SYT14: variants seen among roughly 807,000 people sequenced by gnomAD.
SYT14 encodes synaptotagmin 14.
Under a neutral mutation model 74.2 loss-of-function variants are expected in SYT14, and 32 were observed. The ratio of observed to expected loss-of-function variants is 0.43; its 90% CI spans 0.33 to 0.58. The LOEUF (loss-of-function observed/expected upper bound fraction) is 0.58, where lower values mean the gene tolerates loss of function less well. SYT14 is among the 20% of genes least tolerant of loss of function. SYT14 has a pLI of 0.05. For synonymous variants in SYT14, 298 were observed against 337.7 expected (o/e 0.88, Z 1.29); for missense variants, 791 against 981.8 (o/e 0.81, Z 2.60).
intron 7 of SYT14, among the ~76,000 whole-genome samples, chr1:210,111,078 C>T (rs764805122): frequency 5.6e-4 from 85 of 152,218 alleles, no homozygotes; most frequent in Non-Finnish European, 1.1e-3. Flanking sequence ...ACCCAAAATC[C>T]GGTACTAATT....
intron 5 of SYT14, among the ~76,000 whole-genome samples, chr1:210,064,631 T>C (rs1036928985): frequency 3.4e-4 from 52 of 152,214 alleles, no homozygotes; most frequent in African/African-American, 1.2e-3. Flanking sequence ...TTCTGCTGTA[T>C]GTATATACCA....
chr1:210,131,206 A>G (rs2046851), intron 7 of SYT14, among the ~76,000 whole-genome samples: 41,925 of 152,052 alleles, frequency 0.28, 6,853 homozygotes, highest in Non-Finnish European at 0.37. Context: ...TGTTTCTACT[A>G]CCATCACCGC....
chr1:210,066,954 T>C (rs2081307777), intron 5 of SYT14, among the ~76,000 whole-genome samples: 1 of 152,092 alleles, frequency 6.6e-6, no homozygotes, highest in Admixed American at 6.6e-5. Context: ...TAAGCTCTTA[T>C]ATTTAGGTAT....
intron 7 of SYT14, among the ~76,000 whole-genome samples, chr1:210,154,000 A>G (rs2083219814): frequency 6.6e-6 from 1 of 152,162 alleles, no homozygotes; most frequent in Non-Finnish European, 1.5e-5. Flanking sequence ...CTAAATTCTT[A>G]AAGGAAGTTG....
intron 2 of SYT14, among the ~76,000 whole-genome samples, chr1:209,962,913 A>C (rs1047481379): frequency 3.9e-5 from 6 of 152,126 alleles, no homozygotes; most frequent in Non-Finnish European, 8.8e-5. Context: ...TTCTTCCTCT[A>C]ATGGCTGTAT....
Position 210,155,742 on chromosome 1 carries a change from G to A in SYT14, c.2056G>A (p.Val686Met), listed in dbSNP as rs192258059. 44 of 1,613,898 alleles carry A rather than the reference G, an allele frequency of 2.7e-5. No homozygotes were observed. Among genetic ancestry groups the A allele is most frequent in the Middle Eastern group, 1.6e-4 (1 of 6,080 alleles). ...ACAGGGCTGTGACTCCCAAATGAGCGTGTCAGAAATGTCGTGTAGTGAAAG... is the reference window on the plus strand; with the variant it reads ...ACAGGGCTGTGACTCCCAAATGAGCATGTCAGAAATGTCGTGTAGTGAAAG... Residue 686 changes from valine (V) to methionine (M), a missense_variant, in exon 8 of 10, where the codon GTG becomes ATG. Coordinates refer to ENST00000637265, the Ensembl canonical transcript of SYT14.
intron 7 of SYT14, among the ~76,000 whole-genome samples, chr1:210,106,656 A>T (rs1382074901): frequency 6.6e-6 from 1 of 152,142 alleles, no homozygotes; most frequent in African/African-American, 2.4e-5. Context: ...GAACAGCATA[A>T]GGGTAACTGC....
At chr1:209,945,640 G>T (rs1366719995) in intron 1 of SYT14, among the ~76,000 whole-genome samples, 1 of 152,226 alleles carries the variant, frequency 6.6e-6, no homozygotes, top group Admixed American at 6.5e-5. Context: ...CATTTCTAAA[G>T]TAGCCTTTCA....
At chr1:210,081,910 G>T (rs1438050918) in intron 5 of SYT14, among the ~76,000 whole-genome samples, 1 of 152,144 alleles carries the variant, frequency 6.6e-6, no homozygotes, top group Non-Finnish European at 1.5e-5. Flanking sequence ...GATTAAAGAT[G>T]AATATGATTA....
intron 5 of SYT14, among the ~76,000 whole-genome samples, chr1:210,089,030 G>A (rs1047972834): frequency 2.0e-5 from 3 of 151,928 alleles, no homozygotes; most frequent in Non-Finnish European, 4.4e-5. Context: ...CCCTCCCCTA[G>A]CCCTCCATCC....
chr1:210,150,480 G>A (rs998033126), intron 7 of SYT14, among the ~76,000 whole-genome samples: 1 of 152,166 alleles, frequency 6.6e-6, no homozygotes. Context: ...ATTGCCTCTG[G>A]TGATCTCCTC....
intron 2 of SYT14, among the ~76,000 whole-genome samples, chr1:209,969,395 T>C (rs189105292): frequency 5.6e-4 from 85 of 152,194 alleles, no homozygotes; most frequent in African/African-American, 1.7e-3. Context: ...TTCTGCAGCC[T>C]CACCAGCATC....
chr1:210,075,950 T>C (rs977140418), intron 5 of SYT14, among the ~76,000 whole-genome samples: 1 of 152,224 alleles, frequency 6.6e-6, no homozygotes, highest in African/African-American at 2.4e-5. Context: ...TATTATGTTT[T>C]ATATAATTTT....
intron 5 of SYT14, among the ~76,000 whole-genome samples, chr1:210,025,860 A>G (rs1049130435): frequency 9.2e-5 from 14 of 152,356 alleles, no homozygotes; most frequent in Admixed American, 7.2e-4. Context: ...GATAAAAACT[A>G]TACTTGTCAA....
intron 5 of SYT14, among the ~76,000 whole-genome samples, chr1:210,058,780 C>G (rs1414333500): frequency 2.0e-5 from 3 of 152,018 alleles, no homozygotes; most frequent in Admixed American, 2.0e-4. Flanking sequence ...TGTTCCTTAC[C>G]CCAACACATC....
intron 7 of SYT14, among the ~76,000 whole-genome samples, chr1:210,135,149 T>G (rs2082757966): frequency 6.6e-6 from 1 of 151,998 alleles, no homozygotes; most frequent in African/African-American, 2.4e-5. Context: ...CCTGGCTAAT[T>G]TTTTGTATTT....
chr1:210,154,720 T>C (rs1465646420), intron 7 of SYT14, among the ~76,000 whole-genome samples: 1 of 152,192 alleles, frequency 6.6e-6, no homozygotes. Flanking sequence ...TTCCAAAAAA[T>C]ATAGATATTT....
chr1:209,947,138 T>C (rs2078835751), intron 1 of SYT14, among the ~76,000 whole-genome samples: 1 of 152,214 alleles, frequency 6.6e-6, no homozygotes, highest in Non-Finnish European at 1.5e-5. Context: ...GGAGCTCTGA[T>C]GGAGACGTAC....
intron 2 of SYT14, among the ~76,000 whole-genome samples, chr1:209,975,763 A>C (rs2079350187): frequency 6.6e-6 from 1 of 152,176 alleles, no homozygotes; most frequent in South Asian, 2.1e-4. Context: ...TGATTGGAAT[A>C]GTTTCAGAAG....
Sources: gnomAD v4.1 joint callset for allele counts (sites outside exome capture counted in the v4.1 genomes callset) on GRCh38, gnomAD v4.1.1 for gene constraint, MANE v1.5 for transcripts, NCBI Gene and HGNC (gene_info 2026-07-23, HGNC 2026-07-21) for gene names.